Variants in SLC22A9 observed in about 807,000 individuals in gnomAD.
The protein encoded by SLC22A9 is organic anion transporter 7.
SLC22A9 carries 64 observed loss-of-function variants against 50.1 expected under a neutral mutation model. The ratio of observed to expected loss-of-function variants is 1.28; its 90% confidence interval spans 1.04 to 1.57. The LOEUF is 1.57. Ranked by LOEUF, SLC22A9 falls within the 40% of genes most tolerant of loss-of-function variation. The probability of loss-of-function intolerance (pLI) is 0.00; values close to 1 mark genes in which losing one functional copy is unlikely to be tolerated. For missense variants in SLC22A9, 757 were observed against 676.1 expected, an observed-to-expected ratio of 1.12 and a Z score of -1.33; for synonymous variants, 261 against 242.5, an observed-to-expected ratio of 1.08 and a Z score of -0.71.
At position 63,406,577 on chromosome 11, in the gene SLC22A9, T is replaced by C. The variant is rs1394967849; in HGVS notation, c.1154T>C (p.Leu385Pro). ...AACAATGTTTTCCTGTTGCAGACTC[T>C]CTTTGGTGCAGTCATCCTCCTGGCC... is the stretch of plus-strand genomic sequence containing the variant. The part of the protein sequence containing the change: ...LGNNVFLLQT[L>P]FGAVILLANC... Residue 385 changes from leucine to proline, a missense_variant, in exon 7 of 10, where the codon CTC becomes CCC. Transcript: ENST00000279178. 4 of 1,613,896 alleles carry C rather than the reference T, an allele frequency of 2.5e-6. No individual in the cohort carries two copies. The highest frequency in any genetic ancestry group is 4.5e-5 in the East Asian group (2 of 44,880).
At chr11:63,394,051 A>G (rs986219031) in intron 6 of SLC22A9, among the ~76,000 whole-genome samples, 1 of 151,964 alleles carries the variant, frequency 6.6e-6, no homozygotes, top group Non-Finnish European at 1.5e-5. Flanking sequence ...TTGATCTTCA[A>G]TCTCTGATAT....
chr11:63,405,644 G>T (rs888716238), intron 6 of SLC22A9, among the ~76,000 whole-genome samples: 1 of 152,128 alleles, frequency 6.6e-6, no homozygotes, highest in East Asian at 1.9e-4. Context: ...TCAATAAGTT[G>T]TACATTTTAG....
chr11:63,403,149 G>A (rs2014978135), intron 6 of SLC22A9, among the ~76,000 whole-genome samples: 1 of 151,904 alleles, frequency 6.6e-6, no homozygotes, highest in African/African-American at 2.4e-5. Flanking sequence ...AAGTAAAAAA[G>A]AATTCCATAT....
At position 63,387,554 on chromosome 11, in the gene SLC22A9, G is replaced by A. The variant is rs191774373; in HGVS notation, c.1073+5277G>A. Among the ~76,000 whole-genome samples, 323 of 152,176 alleles carry A rather than the reference G, an allele frequency of 2.1e-3. 2 individuals carry two copies. Among genetic ancestry groups the A allele is most frequent in the African/African-American group, 6.5e-3 (269 of 41,540 alleles). On this transcript the variant is annotated intron_variant, in intron 6 of 9. Transcript: ENST00000279178. ...GTACCATGCTGTTTTGGCTACTATAGCTCTGTAGTATAATTTGAAGTCACG... is the reference window on the plus strand; with the variant it reads ...GTACCATGCTGTTTTGGCTACTATAACTCTGTAGTATAATTTGAAGTCACG...
Position 63,406,558 on chromosome 11 carries a change from G to A in SLC22A9, c.1135G>A (p.Val379Ile). The part of the protein sequence containing the change: ...NLHVQHLGNN[V>I]FLLQTLFGAV... The stretch of plus-strand genomic sequence containing the variant: ...CCATGTCCAGCATCTGGGGAACAAT[G>A]TTTTCCTGTTGCAGACTCTCTTTGG... The change falls in exon 7 of 10, where the codon GTT becomes ATT. Residue 379 changes from valine to isoleucine, a missense_variant. Val to Ile is a conservative substitution (Grantham distance 29). Transcript: ENST00000279178. The A allele has an allele frequency of 6.2e-7, 1 of 1,613,756 alleles. No individual in the cohort carries two copies. The highest frequency in any genetic ancestry group is 8.5e-7 in the Non-Finnish European group (1 of 1,179,782).
intron 6 of SLC22A9, among the ~76,000 whole-genome samples, chr11:63,400,745 A>G (rs2119996802): frequency 6.6e-6 from 1 of 152,268 alleles, no homozygotes; most frequent in South Asian, 2.1e-4. Flanking sequence ...ATAGATGTAA[A>G]AATTCTCAAC....
chr11:63,409,969 G>C lies in SLC22A9; in HGVS notation c.*107G>C. ...GAAAATAAATAACAAGGCTGGGTGC[G>C]GTGGCTCACGCCTGTAATCCCAGCA... is the stretch of plus-strand genomic sequence containing the variant. On this transcript the variant is annotated 3_prime_UTR_variant, in exon 10 of 10. Coordinates refer to ENST00000279178, the MANE Select transcript of SLC22A9 (RefSeq NM_080866.3). The C allele has an allele frequency of 5.6e-6, 7 of 1,260,468 alleles. No individual in the cohort carries two copies. The highest frequency in any genetic ancestry group is 6.8e-6 in the Non-Finnish European group (6 of 888,848). 78.1% of individuals were successfully genotyped at this position (1,260,468 alleles called of 1,614,324 possible). A position where few individuals can be genotyped will look rare whatever the true frequency, so the allele number is the denominator to read the frequency against.
At chr11:63,408,428 C>T (rs551962410) in intron 8 of SLC22A9, among the ~76,000 whole-genome samples, 6 of 152,180 alleles carry the variant, frequency 3.9e-5, no homozygotes, top group Non-Finnish European at 8.8e-5. Flanking sequence ...TCCCACATAA[C>T]CTTCTGAGCC....
chr11:63,372,021 A>G (rs4121881), intron 2 of SLC22A9, among the ~76,000 whole-genome samples: 86,618 of 151,912 alleles, frequency 0.57, 24,975 homozygotes, highest in Non-Finnish European at 0.62. Context: ...ATGTAGAATG[A>G]GCTAAGAGTC....
Position 63,369,898 on chromosome 11 carries a change from C to T in SLC22A9, c.-159C>T, listed in dbSNP as rs750166044. ...AAACGACTTGAGGAAACTGTTTCCA[C>T]GGTCCTGCTGCAGAGGGGAAGCACA... On this transcript the variant is annotated 5_prime_UTR_variant, in exon 1 of 10. It adds an upstream start codon to the 5' untranslated region. Coordinates refer to ENST00000279178, the MANE Select transcript of SLC22A9 (RefSeq NM_080866.3). 72 of 664,412 alleles carry T rather than the reference C, an allele frequency of 1.1e-4. No homozygotes were observed. The highest frequency in any genetic ancestry group is 8.4e-4 in the Middle Eastern group (2 of 2,386). 41.2% of individuals were successfully genotyped at this position (664,412 alleles called of 1,614,324 possible).
chr11:63,370,372 C>G lies in SLC22A9; in HGVS notation c.316C>G (p.Pro106Ala). The G allele has an allele frequency of 6.2e-7, 1 of 1,613,922 alleles. No homozygotes were observed. Among genetic ancestry groups the G allele is most frequent in the Non-Finnish European group, 8.5e-7 (1 of 1,179,842 alleles). ...WQLLHLNGTF[P>A]NTSDADMEPC... ...GCTCCTTCACCTGAATGGGACCTTC[C>G]CCAACACAAGTGACGCAGACATGGA... The change falls in exon 1 of 10, where the codon CCC (proline) becomes GCC (alanine). Residue 106 changes from proline to alanine, a missense_variant. Coordinates refer to ENST00000279178, the MANE Select transcript of SLC22A9 (RefSeq NM_080866.3).
intron 2 of SLC22A9, among the ~76,000 whole-genome samples, 161 bp from the exon 3 acceptor site, chr11:63,373,483 A>G (rs2014401298): frequency 6.6e-6 from 1 of 152,188 alleles, no homozygotes; most frequent in South Asian, 2.1e-4. Flanking sequence ...AACAGGGAAC[A>G]TTGTGTCTGA....
intron 6 of SLC22A9, among the ~76,000 whole-genome samples, chr11:63,398,728 A>T (rs918090019): frequency 6.6e-6 from 1 of 151,832 alleles, no homozygotes. Context: ...CAATTCAAGG[A>T]AGTCTTTCCT....
chr11:63,379,013 A>G (rs1389320152), intron 5 of SLC22A9, among the ~76,000 whole-genome samples: 1 of 152,178 alleles, frequency 6.6e-6, no homozygotes, highest in Non-Finnish European at 1.5e-5. Context: ...ATTAGAGAAA[A>G]CTATTCTAAA....
chr11:63,380,699 G>A (rs1172505527), intron 5 of SLC22A9, among the ~76,000 whole-genome samples: 1 of 152,054 alleles, frequency 6.6e-6, no homozygotes, highest in African/African-American at 2.4e-5. Flanking sequence ...CCTACTTGGG[G>A]GTGGAAGATG....
At chr11:63,382,561 T>C (rs1425078009) in intron 6 of SLC22A9, among the ~76,000 whole-genome samples, 3 of 152,196 alleles carry the variant, frequency 2.0e-5, no homozygotes, top group African/African-American at 7.2e-5. Flanking sequence ...TTGAAGTTTC[T>C]TAACGTGTTT....
chr11:63,389,673 T>G (rs1242304701), intron 6 of SLC22A9, among the ~76,000 whole-genome samples: 1 of 152,184 alleles, frequency 6.6e-6, no homozygotes, highest in Non-Finnish European at 1.5e-5. Flanking sequence ...GTAGAATGAT[T>G]TATAATCCTT....
intron 7 of SLC22A9, among the ~76,000 whole-genome samples, 164 bp from the exon 8 acceptor site, chr11:63,407,948 T>C (rs1207225140): frequency 6.6e-6 from 1 of 152,238 alleles, no homozygotes; most frequent in Non-Finnish European, 1.5e-5. Flanking sequence ...CAAATCATGT[T>C]TCTCAGCTAT....
intron 6 of SLC22A9, among the ~76,000 whole-genome samples, chr11:63,384,979 T>C (rs1259399457): frequency 6.6e-6 from 1 of 151,996 alleles, no homozygotes; most frequent in Middle Eastern, 3.4e-3. Flanking sequence ...CACTTTTCAA[T>C]GGAGTTTTTT....
Sources: gnomAD v4.1 joint callset for allele counts (sites outside exome capture counted in the v4.1 genomes callset) on GRCh38, gnomAD v4.1.1 for gene constraint, MANE v1.5 for transcripts, NCBI Gene and HGNC (gene_info 2026-07-23, HGNC 2026-07-21) for gene names.